ITPR1: variants seen among roughly 807,000 people sequenced by gnomAD.
The protein encoded by ITPR1 is inositol 1,4,5-trisphosphate-gated calcium channel ITPR1.
A neutral mutation model predicts 318.4 loss-of-function variants in ITPR1; 96 were observed. The ratio of observed to expected loss-of-function variants is 0.30; its 90% CI spans 0.26 to 0.36. The LOEUF (loss-of-function observed/expected upper bound fraction) is 0.36, where lower values mean the gene tolerates loss of function less well. Among genes scored for constraint, ITPR1 ranks in the 10% least tolerant of loss-of-function variants. ITPR1 has a pLI of 1.00. For synonymous variants in ITPR1, 1,312 were observed against 1,289.9 expected (o/e 1.02, Z -0.37); for missense variants, 2,440 against 3,460.2 (o/e 0.71, Z 7.40).
intron 39 of ITPR1, among the ~76,000 whole-genome samples, chr3:4,712,246 G>A (rs1028490726): frequency 6.6e-6 from 1 of 152,112 alleles, no homozygotes; most frequent in Non-Finnish European, 1.5e-5. Context: ...TACTTGCCTC[G>A]TTCAGATGAG....
At chr3:4,623,126 C>T (rs189481588) in intron 4 of ITPR1, among the ~76,000 whole-genome samples, 10 of 152,322 alleles carry the variant, frequency 6.6e-5, no homozygotes, top group African/African-American at 2.2e-4. Context: ...TGTGGCTCCC[C>T]TTGCTCCCAT....
intron 60 of ITPR1, among the ~76,000 whole-genome samples, chr3:4,829,331 G>T (rs990453090): frequency 1.3e-5 from 2 of 152,188 alleles, no homozygotes; most frequent in African/African-American, 4.8e-5. Flanking sequence ...GTGAAATACA[G>T]GGATATTAAT....
rs2046682954 is a variant in ITPR1 at position 4,779,482 on chromosome 3, C to T, written c.6292-68C>T. 8.8e-7 allele frequency: 1 copy of T among 1,141,314 alleles called. No individual in the cohort carries two copies. Among genetic ancestry groups the T allele is most frequent in the Non-Finnish European group, 1.3e-6 (1 of 753,496 alleles). 70.7% of individuals were successfully genotyped at this position (1,141,314 alleles called of 1,614,324 possible). On this transcript the variant is annotated intron_variant, in intron 48 of 61. Coordinates refer to ENST00000649015, the MANE Select transcript of ITPR1 (RefSeq NM_001378452.1). The surrounding 1 kb of genome is among the most constrained non-coding windows in gnomAD (Gnocchi z 4.0). ...GGGATGCCTCCCATGTGCCAGTTGGCACCTGCATTCAGGCCGGGCCCCCAA... is the reference window on the plus strand; with the variant it reads ...GGGATGCCTCCCATGTGCCAGTTGGTACCTGCATTCAGGCCGGGCCCCCAA...
chr3:4,820,941 G>A (rs2049672901), intron 60 of ITPR1, among the ~76,000 whole-genome samples: 1 of 152,216 alleles, frequency 6.6e-6, no homozygotes, highest in Non-Finnish European at 1.5e-5. Flanking sequence ...GCGGTGCAGA[G>A]GCTACAAGAC....
chr3:4,790,840 C>T (rs989103645), intron 52 of ITPR1, among the ~76,000 whole-genome samples: 1 of 152,222 alleles, frequency 6.6e-6, no homozygotes, highest in African/African-American at 2.4e-5. Context: ...CTCTTCTCTG[C>T]TTTATTTACT....
At chr3:4,711,277 C>G (rs2041349328) in intron 38 of ITPR1, among the ~76,000 whole-genome samples, 1 of 147,216 alleles carries the variant, frequency 6.8e-6, no homozygotes, top group Admixed American at 6.8e-5. Context: ...TAGCTTGGGG[C>G]TGGACTCTGC....
chr3:4,713,863 T>C (rs1339780464), intron 39 of ITPR1, among the ~76,000 whole-genome samples: 1 of 152,104 alleles, frequency 6.6e-6, no homozygotes, highest in Non-Finnish European at 1.5e-5. Context: ...TCCATGAATG[T>C]GAACAAACTA....
chr3:4,770,835 C>A (rs1274823128), intron 46 of ITPR1, among the ~76,000 whole-genome samples: 1 of 152,190 alleles, frequency 6.6e-6, no homozygotes, highest in East Asian at 1.9e-4. Flanking sequence ...TGGCTGATAA[C>A]CTCTATCTGA....
intron 44 of ITPR1, among the ~76,000 whole-genome samples, chr3:4,761,502 A>G (rs543540422): frequency 4.5e-4 from 69 of 152,250 alleles, no homozygotes; most frequent in Non-Finnish European, 5.1e-4. Flanking sequence ...TTCTTTACGC[A>G]GCCCACTGTT....
At chr3:4,742,441 C>T (rs1234829032) in intron 44 of ITPR1, among the ~76,000 whole-genome samples, 1 of 152,196 alleles carries the variant, frequency 6.6e-6, no homozygotes, top group Non-Finnish European at 1.5e-5. Context: ...ATATGCCCAC[C>T]TCAGGACTCC....
intron 59 of ITPR1, 110 bp from the exon 60 acceptor site, chr3:4,817,966 TTTATAA>T (rs2049418551): frequency 1.3e-6 from 1 of 776,332 alleles, no homozygotes; most frequent in African/African-American, 1.7e-5. Flanking sequence ...AATCCAACTC[TTTATAA>T]AGACAGGAGT....
intron 2 of ITPR1, among the ~76,000 whole-genome samples, chr3:4,507,518 T>C (rs2081480800): frequency 6.6e-6 from 1 of 152,194 alleles, no homozygotes. Context: ...TGAAACAAAA[T>C]TGCTTCCTAA....
intron 51 of ITPR1, among the ~76,000 whole-genome samples, chr3:4,786,402 T>C (rs1047164839): frequency 6.6e-5 from 10 of 152,236 alleles, no homozygotes; most frequent in Admixed American, 1.3e-4. Context: ...CCAGAACTTA[T>C]GGAGGCAGGG....
chr3:4,784,028 AGTGTGTACTGT>A (rs952299005), intron 51 of ITPR1, 108 bp downstream of exon 51: 2 of 761,158 alleles, frequency 2.6e-6, no homozygotes, highest in African/African-American at 3.5e-5. Flanking sequence ...TGGAAATGTG[AGTGTGTACTGT>A]GTGCTAGGTC....
At chr3:4,670,092 T>C (rs1333302365) in intron 19 of ITPR1, among the ~76,000 whole-genome samples, 1 of 152,222 alleles carries the variant, frequency 6.6e-6, no homozygotes, top group Non-Finnish European at 1.5e-5. Flanking sequence ...AAATTTCAAA[T>C]GACATAATGA....
At chr3:4,551,822 G>A (rs914410661) in intron 4 of ITPR1, among the ~76,000 whole-genome samples, 3 of 152,230 alleles carry the variant, frequency 2.0e-5, no homozygotes, top group African/African-American at 7.2e-5. Context: ...ACAAGCAATA[G>A]CTGCAACCAG....
At position 4,610,810 on chromosome 3, in the gene ITPR1, G is replaced by T. The variant is rs1488581193; in HGVS notation, c.164-16953G>T. ...TTCCAGAACATACTGGTTTTCAGGT[G>T]GAGTGGCAAATTTTCTTTTTCCTTC... On this transcript the variant is annotated intron_variant, in intron 4 of 61. Coordinates refer to ENST00000649015, the MANE Select transcript of ITPR1 (RefSeq NM_001378452.1). 2.6e-5 allele frequency among the ~76,000 whole-genome samples: 4 copies of T among 151,938 alleles called. No individual in the cohort carries two copies. The South Asian group carries it at 6.2e-4, about 24-fold the overall frequency.
At chr3:4,610,686 T>C (rs959781757) in intron 4 of ITPR1, among the ~76,000 whole-genome samples, 9 of 152,188 alleles carry the variant, frequency 5.9e-5, no homozygotes, top group African/African-American at 2.2e-4. Flanking sequence ...CCGAAGTCCA[T>C]GGTTACTGTT....
chr3:4,619,902 A>G (rs530232269), intron 4 of ITPR1, among the ~76,000 whole-genome samples: 1 of 127,640 alleles, frequency 7.8e-6, no homozygotes, highest in East Asian at 2.3e-4. Flanking sequence ...TTTTGTTTCT[A>G]CTTTCTGTAG....
Sources: gnomAD v4.1 joint callset for allele counts (sites outside exome capture counted in the v4.1 genomes callset) on GRCh38, gnomAD v4.1.1 for gene constraint, Gnocchi (gnomAD v3.1) non-coding constraint, MANE v1.5 for transcripts, NCBI Gene and HGNC (gene_info 2026-07-23, HGNC 2026-07-21) for gene names.